Variants in IGF1R observed in about 807,000 individuals in gnomAD.
IGF1R encodes insulin-like growth factor 1 receptor.
In IGF1R, 44 loss-of-function variants were observed where a neutral mutation model predicts 144.6. The ratio of observed to expected loss-of-function variants is 0.30; its 90% CI spans 0.24 to 0.39. The LOEUF is 0.39. IGF1R is among the 10% of genes least tolerant of loss of function. IGF1R has a pLI of 1.00. For synonymous variants in IGF1R, 795 were observed against 722.8 expected (o/e 1.10, Z -1.60); for missense variants, 1,355 against 1,833.7 (o/e 0.74, Z 4.77).
intron 2 of IGF1R, among the ~76,000 whole-genome samples, chr15:98,725,948 C>T (rs908923031): frequency 1.3e-5 from 2 of 152,192 alleles, no homozygotes; most frequent in Non-Finnish European, 2.9e-5. Flanking sequence ...ATTCAATTAC[C>T]TCACCTGGGT....
chr15:98,867,557 G>A (rs2012522334), intron 2 of IGF1R, among the ~76,000 whole-genome samples: 1 of 151,954 alleles, frequency 6.6e-6, no homozygotes, highest in African/African-American at 2.4e-5. Context: ...TTGTCCTCCC[G>A]TTAGGTATCT....
Position 98,721,133 on chromosome 15 carries a change from G to C in IGF1R, c.640+13026G>C, listed in dbSNP as rs192495490. Among the ~76,000 whole-genome samples the C allele has an allele frequency of 9.8e-5, 15 of 152,314 alleles. No homozygotes were observed. In the East Asian group the frequency reaches 2.9e-3, roughly 29 times the overall value. ...GTTACCTACTGAGGCTACGCTCTTC[G>C]TGGTTTCTCCTTAACCATCACCCAC... is the stretch of plus-strand genomic sequence containing the variant. On this transcript the variant is annotated intron_variant, in intron 2 of 20. Transcript: ENST00000650285.
chr15:98,964,385 G>A lies in IGF1R; in HGVS notation c.*6943G>A, dbSNP rs914388808. On this transcript the variant is annotated 3_prime_UTR_variant, in exon 21 of 21. Coordinates refer to ENST00000650285, the MANE Select transcript of IGF1R (RefSeq NM_000875.5). ...TGTAAGAATTTATTCCTGTTATTGC[G>A]ATATACTCTGGATTCTTTACATAAT... 4 of 230,326 alleles carry A rather than the reference G, an allele frequency of 1.7e-5. No homozygotes were observed. The highest frequency in any genetic ancestry group is 6.3e-5 in the East Asian group (1 of 15,982). The allele number at this position is 230,326 out of a possible 1,614,324, so 14.3% of individuals were successfully genotyped here. A position where few individuals can be genotyped will look rare whatever the true frequency, so the allele number is the denominator to read the frequency against.
intron 2 of IGF1R, chr15:98,873,917 T>C (rs955334786): frequency 2.6e-5 from 4 of 152,228 alleles, no homozygotes; most frequent in African/African-American, 9.6e-5. Context: ...GTCTTGGAAG[T>C]AGATAATCTT....
intron 1 of IGF1R, among the ~76,000 whole-genome samples, chr15:98,651,855 C>T (rs986561002): frequency 6.6e-5 from 10 of 152,052 alleles, no homozygotes; most frequent in African/African-American, 2.4e-5. Context: ...TTGACTGACT[C>T]AGTACCTGCC....
intron 1 of IGF1R, among the ~76,000 whole-genome samples, chr15:98,654,005 C>T (rs1050151667): frequency 6.6e-6 from 1 of 152,248 alleles, no homozygotes; most frequent in Admixed American, 6.5e-5. Context: ...GTGCATGAAC[C>T]TGCAGAGTCT....
intron 6 of IGF1R, 126 bp from the exon 7 acceptor site, chr15:98,911,177 AAAGCCACTGAGG>A: frequency 1.1e-6 from 1 of 912,004 alleles, no homozygotes; most frequent in Non-Finnish European, 1.8e-6. Context: ...GGAAAACGAG[AAAGCCACTGAGG>A]AAGCCCAGAA....
rs1315581345 is a variant in IGF1R at position 98,707,707 on chromosome 15, C to A, written c.240C>A (p.Val80=). The part of the protein sequence containing the change: ...YRSYRFPKLT[V]ITEYLLLFRV... ...GCTACCGCTTCCCCAAGCTCACGGT[C>A]ATTACCGAGTACTTGCTGCTGTTCC... The change falls in exon 2 of 21, where the codon GTC becomes GTA. Residue 80 remains valine, a synonymous_variant. Transcript: ENST00000650285. The surrounding 1 kb of genome is among the most constrained non-coding windows in gnomAD (Gnocchi z 6.7). 12 of 1,614,184 alleles carry A rather than the reference C, an allele frequency of 7.4e-6. No homozygotes were observed. The highest frequency in any genetic ancestry group is 1.0e-5 in the Non-Finnish European group (12 of 1,180,028).
intron 8 of IGF1R, 22 bp from the exon 9 acceptor site, chr15:98,915,942 T>A (rs112784658): frequency 1.2e-6 from 2 of 1,611,800 alleles, no homozygotes; most frequent in East Asian, 2.2e-5. Flanking sequence ...TTTTCTAGAA[T>A]GTTCTTTGTT....
intron 2 of IGF1R, among the ~76,000 whole-genome samples, chr15:98,877,671 C>G (rs773480698): frequency 2.6e-5 from 4 of 152,014 alleles, no homozygotes; most frequent in Non-Finnish European, 5.9e-5. Flanking sequence ...AGGAGCTGTT[C>G]TTGTTCAATT....
chr15:98,891,244 C>A lies in IGF1R; in HGVS notation c.641-81C>A. The A allele has an allele frequency of 1.5e-6, 2 of 1,342,994 alleles. No individual in the cohort carries two copies. The highest frequency in any genetic ancestry group is 2.1e-6 in the Non-Finnish European group (2 of 960,454). 83.2% of individuals were successfully genotyped at this position (1,342,994 alleles called of 1,614,324 possible). ...GGTGCTGGTGGTAGCAGTGAATGAC[C>A]CAGAAGGATGCTGGCCAGGCCCAGA... On this transcript the variant is annotated intron_variant, in intron 2 of 20. Coordinates refer to ENST00000650285, the MANE Select transcript of IGF1R (RefSeq NM_000875.5). This position sits in a 1 kb window ranked among gnomAD's most constrained non-coding sequence, Gnocchi z 4.7.
intron 2 of IGF1R, among the ~76,000 whole-genome samples, chr15:98,713,218 T>C (rs987077907): frequency 6.6e-6 from 1 of 152,128 alleles, no homozygotes; most frequent in African/African-American, 2.4e-5. Flanking sequence ...GGGACACTTT[T>C]TGCCCCACTG....
rs116934349 is a variant in IGF1R at position 98,907,611 on chromosome 15, G to A, written c.1248-1074G>A. Among the ~76,000 whole-genome samples, 69 of 152,340 alleles carry A rather than the reference G, an allele frequency of 4.5e-4. No individual in the cohort carries two copies. In the East Asian group the frequency reaches 0.013, roughly 29 times the overall value. On this transcript the variant is annotated intron_variant, in intron 5 of 20. Coordinates refer to ENST00000650285, the MANE Select transcript of IGF1R (RefSeq NM_000875.5). ...CACAGAGGACTCAGAAGTCAACCCT[G>A]GCATTGTCTGCTGCCTTCCTGGGGA...
chr15:98,656,262 T>C (rs2052482088), intron 1 of IGF1R, among the ~76,000 whole-genome samples: 1 of 152,164 alleles, frequency 6.6e-6, no homozygotes, highest in African/African-American at 2.4e-5. Flanking sequence ...ACCTTACTGC[T>C]CACCTGGCTG....
intron 8 of IGF1R, among the ~76,000 whole-genome samples, chr15:98,915,322 G>A (rs923255911): frequency 1.3e-5 from 2 of 152,158 alleles, no homozygotes; most frequent in Admixed American, 6.5e-5. Flanking sequence ...GCTTCCATGC[G>A]TTTGCAGTTC....
chr15:98,848,995 T>C (rs1238569199), intron 2 of IGF1R, among the ~76,000 whole-genome samples: 4 of 152,252 alleles, frequency 2.6e-5, no homozygotes, highest in African/African-American at 9.6e-5. Flanking sequence ...TGGCAAGATG[T>C]CAGTTCTCCG....
At chr15:98,825,291 A>G (rs778021399) in intron 2 of IGF1R, among the ~76,000 whole-genome samples, 1 of 152,196 alleles carries the variant, frequency 6.6e-6, no homozygotes, top group African/African-American at 2.4e-5. Flanking sequence ...GACCACCCCA[A>G]CAGATACCAA....
chr15:98,727,243 C>G (rs1312792938), intron 2 of IGF1R, among the ~76,000 whole-genome samples: 1 of 151,982 alleles, frequency 6.6e-6, no homozygotes, highest in African/African-American at 2.4e-5. Context: ...AATTCTTTTG[C>G]AAAATAAAAA....
chr15:98,945,388 C>T (rs1198787576), intron 19 of IGF1R, among the ~76,000 whole-genome samples: 1 of 152,184 alleles, frequency 6.6e-6, no homozygotes, highest in East Asian at 1.9e-4. Context: ...TGAATGCTGC[C>T]TCCAGCCAGC....
Sources: allele counts gnomAD v4.1 joint callset (sites outside exome capture counted in the v4.1 genomes callset), GRCh38; gene constraint gnomAD v4.1.1; non-coding constraint Gnocchi (gnomAD v3.1); transcripts MANE v1.5; gene names NCBI Gene and HGNC (gene_info 2026-07-23, HGNC 2026-07-21).